MAPK10: variants seen among roughly 807,000 people sequenced by gnomAD.
The protein encoded by MAPK10 is mitogen-activated protein kinase 10, also known as JNK3 alpha protein kinase.
A neutral mutation model predicts 59.3 loss-of-function variants in MAPK10; 25 were observed. That is an observed-to-expected ratio of 0.42 (90% CI 0.31 to 0.59). The LOEUF is 0.59. MAPK10 is among the 20% of genes least tolerant of loss of function. The pLI is 0.15. For synonymous variants in MAPK10, 190 were observed against 200.5 expected, an observed-to-expected ratio of 0.95 and a Z score of 0.44; for missense variants, 351 against 568.9, an observed-to-expected ratio of 0.62 and a Z score of 3.90.
At chr4:86,043,909 A>G (rs889633502) in intron 11 of MAPK10, among the ~76,000 whole-genome samples, 4 of 152,182 alleles carry the variant, frequency 2.6e-5, no homozygotes, top group Non-Finnish European at 4.4e-5. Flanking sequence ...TTAAAAATCT[A>G]TGAGTTAGTA....
At chr4:86,202,748 C>T (rs2082924512) in intron 2 of MAPK10, among the ~76,000 whole-genome samples, 1 of 151,936 alleles carries the variant, frequency 6.6e-6, no homozygotes, top group Non-Finnish European at 1.5e-5. Context: ...CCAAAACAAA[C>T]AATGTGTTTT....
At chr4:86,162,882 T>G (rs928735342) in intron 3 of MAPK10, among the ~76,000 whole-genome samples, 1 of 152,086 alleles carries the variant, frequency 6.6e-6, no homozygotes, top group African/African-American at 2.4e-5. Flanking sequence ...CACCTGGGGA[T>G]GCACACTGGA....
chr4:86,315,418 T>C (rs1465982078), intron 2 of MAPK10, among the ~76,000 whole-genome samples: 1 of 152,148 alleles, frequency 6.6e-6, no homozygotes, highest in Non-Finnish European at 1.5e-5. Context: ...GGATCATTTG[T>C]AACACAAATA....
At chr4:86,567,373 A>G (rs1214665454) in intron 1 of MAPK10, among the ~76,000 whole-genome samples, 1 of 152,056 alleles carries the variant, frequency 6.6e-6, no homozygotes, top group African/African-American at 2.4e-5. Context: ...GGCATGCACC[A>G]CCACGCTTGG....
chr4:86,569,569 T>C (rs1761308564), intron 1 of MAPK10, among the ~76,000 whole-genome samples: 1 of 152,050 alleles, frequency 6.6e-6, no homozygotes. Context: ...TACCTACCTG[T>C]GGGATTTAAA....
At chr4:86,356,146 G>A (rs1281599944) in intron 1 of MAPK10, among the ~76,000 whole-genome samples, 1 of 152,162 alleles carries the variant, frequency 6.6e-6, no homozygotes, top group African/African-American at 2.4e-5. Context: ...TTGCCTTATA[G>A]GGAAGCTTTG....
chr4:86,429,879 C>T (rs1056368667), intron 1 of MAPK10: 1 of 150,814 alleles, frequency 6.6e-6, no homozygotes, highest in Non-Finnish European at 1.5e-5. Context: ...ATGTGTTTTC[C>T]TTTCTTCACA....
chr4:86,179,754 A>G (rs916676578), intron 3 of MAPK10, among the ~76,000 whole-genome samples: 9 of 152,052 alleles, frequency 5.9e-5, no homozygotes, highest in African/African-American at 2.2e-4. Context: ...GGGAAGGGAA[A>G]CTCTCTTCAA....
rs114056219 is a variant in MAPK10, at chr4:86,585,816, G to A, written c.-263+8094C>T. Among the ~76,000 whole-genome samples the A allele has an allele frequency of 3.2e-3, 481 of 152,234 alleles. 5 individuals carry two copies. Among genetic ancestry groups the A allele is most frequent in the African/African-American group, 0.011 (469 of 41,530 alleles). On this transcript the variant is annotated intron_variant, in intron 1 of 4. Coordinates refer to the MAPK10 transcript ENST00000502302. ...CCTAAGTTTTCTACTAGACATTATA[G>A]GGGGAGATGTAAAAATCAAGACAAT...
intron 1 of MAPK10, among the ~76,000 whole-genome samples, chr4:86,476,458 T>C (rs1753101859): frequency 6.6e-6 from 1 of 152,146 alleles, no homozygotes; most frequent in African/African-American, 2.4e-5. Context: ...AATCAGTTAG[T>C]GTTTAGGCTC....
chr4:86,075,899 C>T (rs1041667576), intron 9 of MAPK10, among the ~76,000 whole-genome samples: 79 of 152,232 alleles, frequency 5.2e-4, no homozygotes, highest in Non-Finnish European at 1.0e-3. Flanking sequence ...AGGCAGGCCT[C>T]CTTGAGCTGT....
At chr4:86,475,264 T>C (rs1752988139) in intron 1 of MAPK10, among the ~76,000 whole-genome samples, 1 of 152,278 alleles carries the variant, frequency 6.6e-6, no homozygotes, top group South Asian at 2.1e-4. Flanking sequence ...GGACCTTCCT[T>C]GGGAGATCAA....
At chr4:86,215,934 T>A (rs1263843962) in intron 2 of MAPK10, among the ~76,000 whole-genome samples, 2 of 152,000 alleles carry the variant, frequency 1.3e-5, no homozygotes, top group Non-Finnish European at 2.9e-5. Context: ...TCAAAAAAAA[T>A]TAAAAACCAA....
chr4:86,180,074 A>C (rs1284969804), intron 3 of MAPK10, among the ~76,000 whole-genome samples: 3 of 152,158 alleles, frequency 2.0e-5, no homozygotes, highest in Non-Finnish European at 4.4e-5. Flanking sequence ...AAATATTTTC[A>C]AACTATTGAT....
At chr4:86,426,954 T>C (rs1747358682) in intron 1 of MAPK10, among the ~76,000 whole-genome samples, 1 of 151,720 alleles carries the variant, frequency 6.6e-6, no homozygotes, top group African/African-American at 2.4e-5. Context: ...TCACTTTTTT[T>C]GAAAAAAAAA....
rs116306389 is a variant in MAPK10, at chr4:86,268,888, C to T, written c.-6-74481G>A. ...AATAAATTACAAAAATTGTCTCCTC[C>T]ACTCTCTCAGCAGTAAAATATATAC... On this transcript the variant is annotated intron_variant, in intron 2 of 13. Coordinates refer to ENST00000641462, the MANE Select transcript of MAPK10 (RefSeq NM_138982.4). Among the ~76,000 whole-genome samples the T allele has an allele frequency of 6.2e-3, 937 of 152,242 alleles. 12 individuals carry two copies. The highest frequency in any genetic ancestry group is 0.021 in the African/African-American group (892 of 41,522).
At chr4:86,035,009 G>A (rs72662003) in intron 11 of MAPK10, among the ~76,000 whole-genome samples, 2,077 of 152,126 alleles carry the variant, frequency 0.014, 26 homozygotes, top group Middle Eastern at 0.031. Context: ...AAAACATGTC[G>A]TCAGAAGTGA....
At chr4:86,382,175 T>C (rs764748704) in intron 1 of MAPK10, among the ~76,000 whole-genome samples, 7 of 151,816 alleles carry the variant, frequency 4.6e-5, no homozygotes, top group Middle Eastern at 3.2e-3. Flanking sequence ...AACCCCTAGG[T>C]GAGGACCACT....
At chr4:86,483,596 A>G (rs1382335180) in intron 1 of MAPK10, among the ~76,000 whole-genome samples, 2 of 151,926 alleles carry the variant, frequency 1.3e-5, no homozygotes, top group Non-Finnish European at 2.9e-5. Flanking sequence ...TATTTATACA[A>G]AAATTATTAA....
Sources: gnomAD v4.1 joint callset for allele counts (sites outside exome capture counted in the v4.1 genomes callset) on GRCh38, gnomAD v4.1.1 for gene constraint, MANE v1.5 for transcripts, NCBI Gene and HGNC (gene_info 2026-07-23, HGNC 2026-07-21) for gene names.